Variants in TRMT11 observed in about 807,000 individuals in gnomAD.
The protein encoded by TRMT11 is tRNA methyltransferase 11.
TRMT11 carries 53 observed loss-of-function variants against 62.8 expected under a neutral mutation model. That is an observed-to-expected ratio of 0.84 (90% CI 0.68 to 1.06). The LOEUF (loss-of-function observed/expected upper bound fraction) is 1.06. Ranked by LOEUF, TRMT11 falls within the 50% of genes least tolerant of loss-of-function variation. The probability of loss-of-function intolerance (pLI) is 0.00; values close to 1 mark genes in which losing one functional copy is unlikely to be tolerated. For missense variants in TRMT11, 556 were observed against 553.4 expected (o/e 1.00, Z -0.05); for synonymous variants, 188 against 190.3 (o/e 0.99, Z 0.10).
chr6:126,074,308 C>G (rs1408705771), intron 17 of TRMT11, among the ~76,000 whole-genome samples: 2 of 152,148 alleles, frequency 1.3e-5, no homozygotes, highest in Non-Finnish European at 2.9e-5. Flanking sequence ...TTCTTATTAC[C>G]CATAACCGCT....
At chr6:126,202,580 G>A (rs1380580759), downstream of TRMT11, among the ~76,000 whole-genome samples, 4 of 151,996 alleles carry the variant, frequency 2.6e-5, no homozygotes, top group African/African-American at 9.7e-5. Context: ...AATGTCTTTT[G>A]GTTGCCAAAT....
At chr6:126,051,466 C>T (rs964901648) in intron 16 of TRMT11, among the ~76,000 whole-genome samples, 1 of 152,114 alleles carries the variant, frequency 6.6e-6, no homozygotes, top group African/African-American at 2.4e-5. Context: ...ACTCCCCCTA[C>T]CCTGGATTTT....
intron 21 of TRMT11, among the ~76,000 whole-genome samples, chr6:126,155,132 A>G (rs954820711): frequency 6.6e-6 from 1 of 152,232 alleles, no homozygotes; most frequent in African/African-American, 2.4e-5. Flanking sequence ...CTATACAAGC[A>G]TGGCTCCAGC....
chr6:125,993,116 G>A (rs936129869), intron 1 of TRMT11, among the ~76,000 whole-genome samples: 2 of 152,130 alleles, frequency 1.3e-5, no homozygotes, highest in African/African-American at 4.8e-5. Context: ...ATATGGAAGA[G>A]TGTGATTCTA....
At chr6:126,255,502 A>T in the TRMT11 span, among the ~76,000 whole-genome samples, 1 of 152,222 alleles carries the variant, frequency 6.6e-6, no homozygotes, top group South Asian at 2.1e-4. Context: ...CTTCCAGGAA[A>T]AAAATAACCA....
intron 17 of TRMT11, among the ~76,000 whole-genome samples, chr6:126,105,763 G>C (rs1777457969): frequency 6.6e-6 from 1 of 152,252 alleles, no homozygotes; most frequent in East Asian, 1.9e-4. Context: ...AGGTATGAGA[G>C]TAAGGGGAAA....
At chr6:126,114,541 T>C (rs1393185869) in intron 18 of TRMT11, among the ~76,000 whole-genome samples, 1 of 152,092 alleles carries the variant, frequency 6.6e-6, no homozygotes, top group Non-Finnish European at 1.5e-5. Flanking sequence ...ACCTGTATGT[T>C]ACTCCTAGAG....
intron 12 of TRMT11, among the ~76,000 whole-genome samples, chr6:126,027,789 T>C (rs1043954174): frequency 3.3e-5 from 5 of 152,210 alleles, no homozygotes; most frequent in African/African-American, 1.2e-4. Context: ...GCATTAATCA[T>C]AATGGAGTGT....
At chr6:126,068,942 T>C (rs1318977648) in intron 17 of TRMT11, among the ~76,000 whole-genome samples, 3 of 152,188 alleles carry the variant, frequency 2.0e-5, no homozygotes, top group African/African-American at 7.2e-5. Context: ...AAGTCTGGCA[T>C]TGGTTTTTGT....
the TRMT11 span, among the ~76,000 whole-genome samples, chr6:126,252,917 C>T: frequency 1.6e-4 from 24 of 152,224 alleles, no homozygotes; most frequent in African/African-American, 4.6e-4. Flanking sequence ...AAGAAACTAA[C>T]TTTGATTGAA....
intron 8 of TRMT11, 174 bp downstream of exon 8, chr6:126,008,646 T>C (rs1377066481): frequency 1.4e-6 from 1 of 709,990 alleles, no homozygotes; most frequent in Admixed American, 2.0e-5. Flanking sequence ...CCACTTCCTC[T>C]TCCTCCTCAG....
chr6:126,050,349 A>G (rs1321749501), intron 16 of TRMT11, among the ~76,000 whole-genome samples: 1 of 149,660 alleles, frequency 6.7e-6, no homozygotes, highest in Admixed American at 6.6e-5. Context: ...AAAAAAAAAA[A>G]TAGACAATAG....
At chr6:126,042,083 A>C (rs564229703), downstream of TRMT11, among the ~76,000 whole-genome samples, 2 of 152,188 alleles carry the variant, frequency 1.3e-5, no homozygotes, top group South Asian at 4.1e-4. Context: ...TTTGTACTTT[A>C]CTAAAACATT....
intron 21 of TRMT11, among the ~76,000 whole-genome samples, chr6:126,117,927 G>A (rs191043117): frequency 2.6e-5 from 4 of 152,160 alleles, no homozygotes; most frequent in East Asian, 1.9e-4. Context: ...TATAATATGC[G>A]TTTTGTCCAC....
Position 126,017,257 on chromosome 6 carries a change from A to T in TRMT11, c.1140-3903A>T, listed in dbSNP as rs73773342. 3.8e-3 allele frequency among the ~76,000 whole-genome samples: 578 copies of T among 152,242 alleles called. 5 individuals are homozygous for T. The highest frequency in any genetic ancestry group is 0.013 in the African/African-American group (540 of 41,544). ...AATGAATTAATTTACTCTCAGCCAA[A>T]CCCTGTTATATGATTCAAGTTACAC... On this transcript the variant is annotated intron_variant, in intron 11 of 12. Transcript: ENST00000334379.
chr6:126,130,335 A>T (rs1777766667), intron 21 of TRMT11, among the ~76,000 whole-genome samples: 1 of 152,084 alleles, frequency 6.6e-6, no homozygotes, highest in African/African-American at 2.4e-5. Flanking sequence ...TGACACCTAC[A>T]TAGAAATTCA....
At position 126,038,595 on chromosome 6, in the gene TRMT11, T is replaced by C. The variant is rs570799002; in HGVS notation, c.1261-110T>C. ...TTCAAGTAGTGAAGGAAGATAAATATGCACTAGAGAGTGAGATTTTGCTTA... is the reference window on the plus strand; with the variant it reads ...TTCAAGTAGTGAAGGAAGATAAATACGCACTAGAGAGTGAGATTTTGCTTA... On this transcript the variant is annotated intron_variant, in intron 12 of 12. Coordinates refer to ENST00000334379, the MANE Select transcript of TRMT11 (RefSeq NM_001031712.3). The C allele has an allele frequency of 1.8e-4, 145 of 802,504 alleles. 1 individual carries two copies. Among genetic ancestry groups the C allele is most frequent in the Non-Finnish European group, 2.7e-4 (139 of 524,500 alleles). 49.7% of individuals were successfully genotyped at this position (802,504 alleles called of 1,614,324 possible).
At chr6:126,074,885 A>G (rs953337923) in intron 17 of TRMT11, among the ~76,000 whole-genome samples, 25 of 152,172 alleles carry the variant, frequency 1.6e-4, no homozygotes, top group Admixed American at 1.1e-3. Context: ...AAAAGTCAGT[A>G]TTCATTCAGT....
chr6:126,110,207 G>C (rs1189584917), intron 17 of TRMT11, among the ~76,000 whole-genome samples: 3 of 152,012 alleles, frequency 2.0e-5, no homozygotes, highest in African/African-American at 7.3e-5. Context: ...CTTTTTTGGG[G>C]GGCATTTAAT....
Sources: gnomAD v4.1 joint callset for allele counts (sites outside exome capture counted in the v4.1 genomes callset) on GRCh38, gnomAD v4.1.1 for gene constraint, MANE v1.5 for transcripts, NCBI Gene and HGNC (gene_info 2026-07-23, HGNC 2026-07-21) for gene names.